DOCK2: variants seen among roughly 807,000 people sequenced by gnomAD.
DOCK2 encodes dedicator of cytokinesis protein 2.
Under a neutral mutation model 248.9 loss-of-function variants are expected in DOCK2, and 87 were observed. The ratio of observed to expected loss-of-function variants is 0.35; its 90% CI spans 0.29 to 0.42. DOCK2 has a LOEUF of 0.42. DOCK2 is among the 10% of genes least tolerant of loss of function. The pLI, the probability that DOCK2 is intolerant of heterozygous loss-of-function variation, is 1.00. For synonymous variants in DOCK2, 805 were observed against 821.6 expected, an observed-to-expected ratio of 0.98 and a Z score of 0.35; for missense variants, 1,747 against 2,300.2, an observed-to-expected ratio of 0.76 and a Z score of 4.92.
intron 22 of DOCK2, among the ~76,000 whole-genome samples, chr5:169,735,512 C>T (rs1279080955): frequency 6.6e-6 from 1 of 152,188 alleles, no homozygotes; most frequent in African/African-American, 2.4e-5. Flanking sequence ...TCAAAGCTCC[C>T]TATTTTACCT....
At chr5:169,902,125 T>C (rs1364945753) in intron 27 of DOCK2, among the ~76,000 whole-genome samples, 1 of 152,160 alleles carries the variant, frequency 6.6e-6, no homozygotes, top group African/African-American at 2.4e-5. Flanking sequence ...GTTAATGCCA[T>C]CTATCAGAAA....
intron 27 of DOCK2, among the ~76,000 whole-genome samples, chr5:169,874,819 A>G (rs2113473738): frequency 6.6e-6 from 1 of 152,256 alleles, no homozygotes; most frequent in Non-Finnish European, 1.5e-5. Flanking sequence ...TGAATCTCCC[A>G]AGTATTGCAT....
At chr5:169,730,102 A>G (rs1039634562) in intron 22 of DOCK2, among the ~76,000 whole-genome samples, 3 of 152,074 alleles carry the variant, frequency 2.0e-5, no homozygotes, top group African/African-American at 7.2e-5. Flanking sequence ...GACTACAGGC[A>G]TGCACCACCA....
intron 27 of DOCK2, among the ~76,000 whole-genome samples, chr5:169,853,904 C>T (rs1334121106): frequency 3.9e-5 from 5 of 127,704 alleles, no homozygotes; most frequent in Non-Finnish European, 6.2e-5. Flanking sequence ...GGTGCAATCT[C>T]GGCTCACTGC....
chr5:170,017,717 G>C (rs924377472), intron 32 of DOCK2, among the ~76,000 whole-genome samples: 1 of 152,118 alleles, frequency 6.6e-6, no homozygotes, highest in Non-Finnish European at 1.5e-5. Flanking sequence ...CCCGAGAAGG[G>C]AGACAAACTT....
intron 5 of DOCK2, among the ~76,000 whole-genome samples, 175 bp from the exon 6 acceptor site, chr5:169,674,122 G>A (rs1349704352): frequency 1.3e-5 from 2 of 152,190 alleles, no homozygotes; most frequent in Non-Finnish European, 2.9e-5. Flanking sequence ...GGTCCACGGG[G>A]AATAAATACA....
At chr5:170,065,946 G>C (rs1757474169) in intron 44 of DOCK2, among the ~76,000 whole-genome samples, 1 of 143,806 alleles carries the variant, frequency 7.0e-6, no homozygotes, top group African/African-American at 2.7e-5. Flanking sequence ...CCATGCAAAT[G>C]AAAACTGTTT....
chr5:169,667,558 G>C (rs1758808792), intron 2 of DOCK2, among the ~76,000 whole-genome samples: 1 of 152,170 alleles, frequency 6.6e-6, no homozygotes, highest in East Asian at 1.9e-4. Context: ...GGTGAAAAGG[G>C]GCAACTAAAG....
intron 27 of DOCK2, chr5:169,882,731 G>A (rs867052187): frequency 6.4e-7 from 1 of 1,551,992 alleles, no homozygotes; most frequent in Middle Eastern, 1.7e-4. Context: ...TTGCTCTGAA[G>A]TTTGGTCTCA....
At chr5:170,034,594 T>C in intron 35 of DOCK2, 39 bp downstream of exon 35, 1 of 1,608,968 alleles carries the variant, frequency 6.2e-7, no homozygotes. Flanking sequence ...ACCAGAACCC[T>C]GTGGGGGGGC....
At chr5:170,065,742 G>A (rs1014679690) in intron 44 of DOCK2, among the ~76,000 whole-genome samples, 2 of 152,002 alleles carry the variant, frequency 1.3e-5, no homozygotes, top group Non-Finnish European at 2.9e-5. Flanking sequence ...GAACAGCATG[G>A]GAAAGACCTG....
intron 26 of DOCK2, among the ~76,000 whole-genome samples, chr5:169,806,500 C>T (rs571515788): frequency 3.9e-4 from 59 of 152,064 alleles, no homozygotes; most frequent in South Asian, 1.2e-3. Flanking sequence ...GGTGGGTCCC[C>T]GGTGAAACCC....
intron 25 of DOCK2, among the ~76,000 whole-genome samples, chr5:169,802,798 G>A (rs544885712): frequency 3.0e-3 from 450 of 152,162 alleles, no homozygotes; most frequent in Non-Finnish European, 2.9e-3. Context: ...ATATGTATGT[G>A]TATATATAAA....
chr5:170,076,329 T>G (rs187655683), intron 47 of DOCK2, among the ~76,000 whole-genome samples: 3 of 152,174 alleles, frequency 2.0e-5, no homozygotes, highest in African/African-American at 7.2e-5. Context: ...CAAGGGACTG[T>G]GTAATAATAA....
intron 27 of DOCK2, among the ~76,000 whole-genome samples, chr5:169,908,585 A>G (rs954948872): frequency 2.0e-5 from 3 of 152,212 alleles, no homozygotes; most frequent in Admixed American, 6.5e-5. Context: ...TTGTCTATCT[A>G]TAAATGCCAA....
At chr5:169,997,463 C>T (rs1217993393) in intron 30 of DOCK2, among the ~76,000 whole-genome samples, 9 of 142,910 alleles carry the variant, frequency 6.3e-5, no homozygotes, top group African/African-American at 2.4e-4. Flanking sequence ...CTTTCCCTTC[C>T]CACGAGGCCA....
rs1349121417 is a variant in DOCK2, at chr5:170,057,582, C to G, written c.4383C>G (p.Ser1461=). The G allele has an allele frequency of 1.2e-6, 2 of 1,613,812 alleles. No homozygotes were observed. Among genetic ancestry groups the G allele is most frequent in the Non-Finnish European group, 1.7e-6 (2 of 1,179,826 alleles). The change falls in exon 44 of 52, where the codon TCC becomes TCG. Residue 1461 remains serine, a splice_region_variant and synonymous_variant. Coordinates refer to ENST00000520908, the MANE Select transcript of DOCK2 (RefSeq NM_004946.3). ...GCCACCCCTCTGCCCACGGACAGTC[C>G]ATGTGGATTGAGAGAACCTCCTTCG... is the stretch of plus-strand genomic sequence containing the variant. ...GTVDPENEFA[S]MWIERTSFVT... is the part of the protein sequence containing the mutation.
rs976383521 is a variant in DOCK2, at chr5:169,948,853, C to T, written c.2800-34215C>T. On this transcript the variant is annotated intron_variant, in intron 27 of 51. Transcript: ENST00000520908. ...TCTCTTTTTTTTTTCTTCAGCTCCCCAGTGACTGGCACCTGGTCATTCGTC... is the reference window on the plus strand; with the variant it reads ...TCTCTTTTTTTTTTCTTCAGCTCCCTAGTGACTGGCACCTGGTCATTCGTC... Among the ~76,000 whole-genome samples, 3 of 152,044 alleles carry T rather than the reference C, an allele frequency of 2.0e-5. No individual in the cohort carries two copies. The South Asian group carries it at 6.2e-4, about 32-fold the overall frequency.
At chr5:169,977,840 G>GT (rs1218639249) in intron 27 of DOCK2, among the ~76,000 whole-genome samples, 2 of 152,164 alleles carry the variant, frequency 1.3e-5, no homozygotes, top group Non-Finnish European at 2.9e-5. Context: ...TAGAGTCCCT[G>GT]TTTTTCCTGA....
Sources: allele counts gnomAD v4.1 joint callset (sites outside exome capture counted in the v4.1 genomes callset), GRCh38; gene constraint gnomAD v4.1.1; transcripts MANE v1.5; gene names NCBI Gene and HGNC (gene_info 2026-07-23, HGNC 2026-07-21).